Variants in RIMKLB observed in about 807,000 individuals in gnomAD.
RIMKLB encodes the protein beta-citrylglutamate synthase B.
Under a neutral mutation model 32.0 loss-of-function variants are expected in RIMKLB, and 7 were observed. That is an observed-to-expected ratio of 0.22 (90% confidence interval 0.12 to 0.41). RIMKLB has a LOEUF of 0.41. Among genes scored for constraint, RIMKLB ranks in the 10% least tolerant of loss-of-function variants. The pLI is 1.00. For synonymous variants in RIMKLB, 172 were observed against 185.1 expected (o/e 0.93, Z 0.57); for missense variants, 289 against 498.7 (o/e 0.58, Z 4.00).
chr12:8,695,367 C>T (rs760494295), upstream of RIMKLB, among the ~76,000 whole-genome samples: 1 of 152,282 alleles, frequency 6.6e-6, no homozygotes, highest in African/African-American at 2.4e-5. Flanking sequence ...ACATATCAAC[C>T]ATGAATTCTC....
chr12:8,700,119 T>A (rs1943260255), intron 1 of RIMKLB: 1 of 152,216 alleles, frequency 6.6e-6, no homozygotes, highest in Admixed American at 6.5e-5. Context: ...CTTTTTTCCC[T>A]TGTCATTCAG....
At position 8,728,763 on chromosome 12, in the gene RIMKLB, TTG is replaced by T. The variant is rs375795748; in HGVS notation, c.175+14746_175+14747del. Reference sequence around the variant, plus strand: ...GTAGTCTGCCACCATGCTCTGCTAATTGTGTGTGTGTGTGTGTGTGTGTGTTT... The same window carrying T: ...GTAGTCTGCCACCATGCTCTGCTAATTGTGTGTGTGTGTGTGTGTGTGTTT... On this transcript the variant is annotated intron_variant, in intron 2 of 5. Coordinates refer to ENST00000535829, the MANE Select transcript of RIMKLB (RefSeq NM_001297776.2). 2.1e-3 allele frequency among the ~76,000 whole-genome samples: 320 copies of T among 149,340 alleles called. 2 individuals carry two copies. The highest frequency in any genetic ancestry group is 3.1e-3 in the Non-Finnish European group (211 of 67,148).
chr12:8,707,818 A>G (rs765563581), intron 1 of RIMKLB, among the ~76,000 whole-genome samples: 4 of 152,232 alleles, frequency 2.6e-5, no homozygotes, highest in Non-Finnish European at 5.9e-5. Context: ...ATTTTGTAAT[A>G]TCACACTTTT....
chr12:8,759,714 T>C (rs922981889), intron 5 of RIMKLB, among the ~76,000 whole-genome samples: 20 of 152,250 alleles, frequency 1.3e-4, no homozygotes, highest in Non-Finnish European at 2.8e-4. Context: ...CACCATACAA[T>C]TTCCAGATTC....
intron 1 of RIMKLB, among the ~76,000 whole-genome samples, chr12:8,684,422 C>T (rs1055030143): frequency 6.6e-6 from 1 of 152,174 alleles, no homozygotes; most frequent in African/African-American, 2.4e-5. Context: ...ATCCACCCGC[C>T]CCCGCCTCCC....
chr12:8,736,517 C>CTTTTTTTTT (rs1157484475), intron 2 of RIMKLB, among the ~76,000 whole-genome samples: 11 of 126,772 alleles, frequency 8.7e-5, no homozygotes, highest in African/African-American at 3.3e-4. Context: ...CATGTATTTC[C>CTTTTTTTTT]TTTTTTTTTT....
At chr12:8,697,578 G>A (rs1942946232), upstream of RIMKLB, 1 of 165,924 alleles carries the variant, frequency 6.0e-6, no homozygotes, top group South Asian at 9.4e-5. Context: ...TTTCGAGTTG[G>A]GAGCAAACCT....
At chr12:8,772,760 T>C (rs1413338471) in intron 5 of RIMKLB, among the ~76,000 whole-genome samples, 1 of 152,252 alleles carries the variant, frequency 6.6e-6, no homozygotes, top group Admixed American at 6.5e-5. Flanking sequence ...TTCGTGAAGC[T>C]GATCTCCAAG....
At chr12:8,731,704 C>A (rs1047789399) in intron 2 of RIMKLB, among the ~76,000 whole-genome samples, 1 of 152,006 alleles carries the variant, frequency 6.6e-6, no homozygotes, top group Admixed American at 6.6e-5. Context: ...ATTTTGGCAT[C>A]TTATATATGT....
chr12:8,714,006 A>G lies in RIMKLB; in HGVS notation c.140A>G (p.Asp47Gly). The G allele has an allele frequency of 6.2e-7, 1 of 1,614,086 alleles. No individual in the cohort carries two copies. Among genetic ancestry groups the G allele is most frequent in the South Asian group, 1.1e-5 (1 of 91,088 alleles). ...CTGGACTTTAGGGCTGTGGTGATGG[A>G]TGAGGTGGTGCTGACAATCGAGCAA... ...EELDFRAVVMDEVVLTIEQGN... is the reference protein window; with the variant it reads ...EELDFRAVVMGEVVLTIEQGN... Residue 47 changes from aspartate (D) to glycine (G), a missense_variant, in exon 2 of 6, where the codon GAT becomes GGT. By Grantham distance (94) the Asp-to-Gly change is moderately conservative (BLOSUM62 -1). Around this residue, in one of 3 missense-constraint regions of RIMKLB, gnomAD observed 156 missense variants for 329.5 expected, o/e 0.47. Coordinates refer to ENST00000535829, the MANE Select transcript of RIMKLB (RefSeq NM_001297776.2).
At chr12:8,781,186 C>A (rs1951011090), downstream of RIMKLB, among the ~76,000 whole-genome samples, 1 of 152,024 alleles carries the variant, frequency 6.6e-6, no homozygotes, top group African/African-American at 2.4e-5. Context: ...ACTAAAAATA[C>A]AAAAATAAGC....
chr12:8,694,227 C>T (rs1024606135), upstream of RIMKLB, among the ~76,000 whole-genome samples: 3 of 151,768 alleles, frequency 2.0e-5, no homozygotes, highest in East Asian at 3.9e-4. Flanking sequence ...AGCCAGACTC[C>T]GTCTCAAAAA....
chr12:8,680,660 G>A (rs991674022), upstream of RIMKLB, among the ~76,000 whole-genome samples: 2 of 152,088 alleles, frequency 1.3e-5, no homozygotes, highest in Non-Finnish European at 2.9e-5. Context: ...GTTTGGATGG[G>A]GACCCCTTTC....
chr12:8,779,035 A>C (rs1950892773), downstream of RIMKLB: 1 of 152,134 alleles, frequency 6.6e-6, no homozygotes, highest in South Asian at 2.1e-4. Context: ...AACAGAGGGA[A>C]TTTGAATTGG....
chr12:8,753,118 A>T (rs1355199754), intron 4 of RIMKLB, among the ~76,000 whole-genome samples: 2 of 152,180 alleles, frequency 1.3e-5, no homozygotes, highest in East Asian at 3.8e-4. Context: ...TTCGGCAGGG[A>T]TGGCTGGATC....
the RIMKLB span, among the ~76,000 whole-genome samples, chr12:8,670,463 C>A: frequency 6.6e-6 from 1 of 152,162 alleles, no homozygotes; most frequent in Admixed American, 6.5e-5. Context: ...GTGGAGCAGT[C>A]AAATTTTAAA....
At chr12:8,729,078 A>C (rs1946306925) in intron 2 of RIMKLB, among the ~76,000 whole-genome samples, 1 of 152,106 alleles carries the variant, frequency 6.6e-6, no homozygotes, top group African/African-American at 2.4e-5. Flanking sequence ...GCGCCGCCAC[A>C]GTGTGTAGGG....
chr12:8,726,891 T>G (rs1379700888), intron 2 of RIMKLB, among the ~76,000 whole-genome samples: 1 of 148,978 alleles, frequency 6.7e-6, no homozygotes, highest in Non-Finnish European at 1.5e-5. Flanking sequence ...ATTTTTGTCT[T>G]CCATTCTTTT....
chr12:8,673,189 G>C, the RIMKLB span, among the ~76,000 whole-genome samples: 2 of 151,922 alleles, frequency 1.3e-5, no homozygotes, highest in African/African-American at 2.4e-5. Flanking sequence ...GCCTCTGACC[G>C]GGTATTTCTT....
Sources: gnomAD v4.1 joint callset for allele counts (sites outside exome capture counted in the v4.1 genomes callset) on GRCh38, gnomAD v4.1.1 for gene constraint, gnomAD v4.1.1 regional missense constraint, MANE v1.5 for transcripts, NCBI Gene and HGNC (gene_info 2026-07-23, HGNC 2026-07-21) for gene names.